PPARGC1B: variants seen among roughly 807,000 people sequenced by gnomAD.
The protein encoded by PPARGC1B is peroxisome proliferator-activated receptor gamma coactivator 1-beta.
Under a neutral mutation model 101.6 loss-of-function variants are expected in PPARGC1B, and 34 were observed. The observed-to-expected ratio is 0.33, with a 90% CI of 0.25 to 0.45. PPARGC1B has a LOEUF of 0.45. Ranked by LOEUF, PPARGC1B falls within the 20% of genes least tolerant of loss-of-function variation. The probability of loss-of-function intolerance (pLI) is 1.00; values close to 1 mark genes in which losing one functional copy is unlikely to be tolerated. For synonymous variants in PPARGC1B, 548 were observed against 539.3 expected (o/e 1.02, Z -0.22); for missense variants, 1,234 against 1,317.6 (o/e 0.94, Z 0.98).
At position 149,730,516 on chromosome 5, in the gene PPARGC1B, CCTGGGGTAA is replaced by C; in HGVS notation, c.78+103_78+111del. ...GAGGCCGGGAGGCAGCGGTGGGAGC[CCTGGGGTAA>C]CTGGGGGTTCCAGGCTGCAGAGCCC... is the stretch of plus-strand genomic sequence containing the variant. On this transcript the variant is annotated intron_variant, in intron 1 of 11. Coordinates refer to ENST00000309241, the MANE Select transcript of PPARGC1B (RefSeq NM_133263.4). This position sits in a 1 kb window ranked among gnomAD's most constrained non-coding sequence, Gnocchi z 4.0. 1 of 1,000,746 alleles carries C rather than the reference CCTGGGGTAA, an allele frequency of 1.0e-6. No homozygotes were observed. Among genetic ancestry groups the C allele is most frequent in the Non-Finnish European group, 1.4e-6 (1 of 705,852 alleles). The allele number at this position is 1,000,746 out of a possible 1,614,324, so 62.0% of individuals were successfully genotyped here.
intron 1 of PPARGC1B, among the ~76,000 whole-genome samples, chr5:149,769,675 A>T (rs1334155417): frequency 6.6e-6 from 1 of 152,318 alleles, no homozygotes; most frequent in East Asian, 1.9e-4. Context: ...TTCAGAGGTC[A>T]GCAGCCAAAC....
chr5:149,834,618 A>G, intron 5 of PPARGC1B, 56 bp from the exon 6 acceptor site: 1 of 1,549,296 alleles, frequency 6.5e-7, no homozygotes, highest in Non-Finnish European at 8.9e-7. Flanking sequence ...CAGAGGGGAA[A>G]CATCTGCTAG....
chr5:149,777,419 A>C (rs551206386), intron 1 of PPARGC1B, among the ~76,000 whole-genome samples: 18 of 150,318 alleles, frequency 1.2e-4, no homozygotes, highest in African/African-American at 3.9e-4. Context: ...AAAAGCCACC[A>C]CCCCCTGGGC....
Position 149,730,981 on chromosome 5 carries a change from G to A in PPARGC1B, c.78+561G>A, listed in dbSNP as rs948281245. Among the ~76,000 whole-genome samples, 1 of 152,254 alleles carries A rather than the reference G, an allele frequency of 6.6e-6. No homozygotes were observed. Among genetic ancestry groups the A allele is most frequent in the Non-Finnish European group, 1.5e-5 (1 of 68,048 alleles). The stretch of plus-strand genomic sequence containing the variant: ...CCGGCTAAAGGCATAAGGGTCTGCG[G>A]GGCACGTGGACATGCGGGCGGAGAC... On this transcript the variant is annotated intron_variant, in intron 1 of 11. Transcript: ENST00000309241. The surrounding 1 kb of genome is among the most constrained non-coding windows in gnomAD (Gnocchi z 4.0).
downstream of PPARGC1B, among the ~76,000 whole-genome samples, chr5:149,857,679 T>C (rs1218970322): frequency 6.6e-6 from 1 of 152,198 alleles, no homozygotes; most frequent in East Asian, 1.9e-4. Flanking sequence ...GAGCCCAGAT[T>C]GATCTACTGT....
downstream of PPARGC1B, among the ~76,000 whole-genome samples, chr5:149,855,480 A>T (rs890677610): frequency 3.9e-5 from 6 of 152,126 alleles, no homozygotes; most frequent in African/African-American, 1.4e-4. Flanking sequence ...GAATAAATGC[A>T]CTGTAGGAGG....
At chr5:149,777,498 C>T (rs1410460075) in intron 1 of PPARGC1B, among the ~76,000 whole-genome samples, 2 of 152,134 alleles carry the variant, frequency 1.3e-5, no homozygotes, top group African/African-American at 4.8e-5. Flanking sequence ...TGGGAGGGGG[C>T]CTGCCTGGCT....
intron 3 of PPARGC1B, among the ~76,000 whole-genome samples, chr5:149,830,056 A>AAAAAAAAAAAAAAAAAAT (rs1561602276): frequency 1.7e-5 from 1 of 58,576 alleles, no homozygotes; most frequent in Non-Finnish European, 2.9e-5. Flanking sequence ...AAAAAAAAAG[A>AAAAAAAAAAAAAAAAAAT]AAAAAAAAAA....
chr5:149,774,303 T>C (rs1162948723), intron 1 of PPARGC1B, among the ~76,000 whole-genome samples: 5 of 152,192 alleles, frequency 3.3e-5, no homozygotes, highest in Admixed American at 3.3e-4. Flanking sequence ...TTAGTGTTGC[T>C]GCTACTGACT....
intron 2 of PPARGC1B, among the ~76,000 whole-genome samples, chr5:149,822,542 G>A (rs544702817): frequency 6.6e-6 from 1 of 152,370 alleles, no homozygotes; most frequent in African/African-American, 2.4e-5. Context: ...GGCTGTGTCT[G>A]CATTGTGCAT....
intron 1 of PPARGC1B, among the ~76,000 whole-genome samples, chr5:149,814,895 G>A (rs1237164418): frequency 6.6e-6 from 1 of 152,216 alleles, no homozygotes; most frequent in Non-Finnish European, 1.5e-5. Context: ...GAGCAGGCAC[G>A]TTGAGGGGCC....
chr5:149,739,120 T>C lies in PPARGC1B; in HGVS notation c.78+8700T>C, dbSNP rs958937962. 1.1e-4 allele frequency among the ~76,000 whole-genome samples: 16 copies of C among 152,198 alleles called. 1 individual carries two copies. The highest frequency in any genetic ancestry group is 6.5e-5 in the Admixed American group (1 of 15,288). On this transcript the variant is annotated intron_variant, in intron 1 of 11. Transcript: ENST00000309241. ...TGAAAGAACTTTGTATTTTAAACAT[T>C]TGACTATGGAAAATGTCAACTCATA...
Position 149,826,833 on chromosome 5 carries a change from C to T in PPARGC1B, c.413C>T (p.Pro138Leu), listed in dbSNP as rs1162548979. 6.2e-7 allele frequency: 1 copy of T among 1,613,836 alleles called. No individual in the cohort carries two copies. Among genetic ancestry groups the T allele is most frequent in the African/African-American group, 1.3e-5 (1 of 74,936 alleles). The change falls in exon 3 of 12, where the codon CCT (proline) becomes CTT (leucine). Residue 138 changes from proline to leucine, a missense_variant. Transcript: ENST00000309241. ...GCCCCCTCATCTGCACCCCCCAGCC[C>T]TGCCCCGGAGAAGCCCTCGGCCCCA... ...SPAPSSAPPS[P>L]APEKPSAPAP... is the part of the protein sequence containing the mutation.
chr5:149,832,761 C>G lies in PPARGC1B; in HGVS notation c.688C>G (p.Arg230Gly). The G allele has an allele frequency of 1.2e-6, 2 of 1,612,806 alleles. No homozygotes were observed. Among genetic ancestry groups the G allele is most frequent in the Non-Finnish European group, 1.7e-6 (2 of 1,179,272 alleles). ...CTCGGCACAGTGCTGCCTGCAGGAT[C>G]GGGGTCTGCAGCCACCATGCCTCCA... ...LTSAQCCLQD[R>G]GLQPPCLQSP... is the part of the protein sequence containing the mutation. Residue 230 changes from arginine to glycine, a missense_variant, in exon 5 of 12, where the codon CGG becomes GGG. Arg to Gly is a moderately radical substitution (Grantham distance 125, BLOSUM62 -2). This residue lies in a region of PPARGC1B where 734 missense variants were observed against 768.4 expected (regional missense o/e 0.96). Transcript: ENST00000309241. This position sits in a 1 kb window ranked among gnomAD's most constrained non-coding sequence, Gnocchi z 4.9.
In PPARGC1B at chr5:149,852,292, C is replaced by T. The variant is rs976367657; in HGVS notation, c.*4734C>T. 1 of 152,234 alleles carries T rather than the reference C, an allele frequency of 6.6e-6. No individual in the cohort carries two copies. The highest frequency in any genetic ancestry group is 2.4e-5 in the African/African-American group (1 of 41,442). 9.4% of individuals were successfully genotyped at this position (152,234 alleles called of 1,614,324 possible). Reference sequence around the variant, plus strand: ...ATGTGACCTTGGGCCCCTGTTTCCTCATCTACCAAATGAGAATGTTGAATA... The same window carrying T: ...ATGTGACCTTGGGCCCCTGTTTCCTTATCTACCAAATGAGAATGTTGAATA... On this transcript the variant is annotated 3_prime_UTR_variant, in exon 12 of 12. Coordinates refer to ENST00000309241, the MANE Select transcript of PPARGC1B (RefSeq NM_133263.4).
chr5:149,840,345 A>G (rs1759284184), intron 9 of PPARGC1B, among the ~76,000 whole-genome samples: 1 of 152,164 alleles, frequency 6.6e-6, no homozygotes, highest in African/African-American at 2.4e-5. Flanking sequence ...AGTTCAACCA[A>G]GAGACTGGCC....
intron 1 of PPARGC1B, among the ~76,000 whole-genome samples, chr5:149,741,772 C>T (rs1238319461): frequency 1.3e-5 from 2 of 151,944 alleles, no homozygotes; most frequent in East Asian, 1.9e-4. Flanking sequence ...GGATTACAGG[C>T]GTCTGCCACC....
chr5:149,749,390 G>T (rs1275310017), intron 1 of PPARGC1B, among the ~76,000 whole-genome samples: 1 of 152,166 alleles, frequency 6.6e-6, no homozygotes, highest in East Asian at 1.9e-4. Flanking sequence ...GGAACTGGAC[G>T]GGAATGTGAG....
chr5:149,817,964 A>G (rs1758122371), intron 1 of PPARGC1B, among the ~76,000 whole-genome samples: 1 of 152,252 alleles, frequency 6.6e-6, no homozygotes, highest in African/African-American at 2.4e-5. Context: ...AAACAAACCA[A>G]TTATCCATGT....
Sources: allele counts gnomAD v4.1 joint callset (sites outside exome capture counted in the v4.1 genomes callset), GRCh38; gene constraint gnomAD v4.1.1; regional missense constraint gnomAD v4.1.1; non-coding constraint Gnocchi (gnomAD v3.1); transcripts MANE v1.5; gene names NCBI Gene and HGNC (gene_info 2026-07-23, HGNC 2026-07-21).